ATM: variants seen among roughly 807,000 people sequenced by gnomAD.
ATM encodes serine-protein kinase ATM.
In ATM, 308 loss-of-function variants were observed where a neutral mutation model predicts 387.0. That is an observed-to-expected ratio of 0.80 (90% CI 0.73 to 0.87). ATM has a LOEUF of 0.87. Ranked by LOEUF, ATM falls within the 40% of genes least tolerant of loss-of-function variation. ATM has a pLI of 0.00. For synonymous variants in ATM, 1,156 were observed against 1,187.3 expected (o/e 0.97, Z 0.54); for missense variants, 3,312 against 3,560.9 (o/e 0.93, Z 1.78).
In ATM at chr11:108,322,249, G is replaced by A. The variant is rs559558501; in HGVS notation, c.6572+829G>A. 2.0e-5 allele frequency among the ~76,000 whole-genome samples: 3 copies of A among 152,166 alleles called. No homozygotes were observed. The South Asian group carries it at 6.2e-4, about 32-fold the overall frequency. On this transcript the variant is annotated intron_variant, in intron 45 of 62. Transcript: ENST00000675843. ...AGCTCACTGCAGTCTCCACCTCCCA[G>A]GTTCAAGCGATTCTCCTGCCTCAGC...
At chr11:108,333,767 A>G (rs966430238) in intron 53 of ATM, 119 bp from the exon 54 acceptor site, 23 of 839,542 alleles carry the variant, frequency 2.7e-5, no homozygotes, top group African/African-American at 2.7e-4. Flanking sequence ...TTTCTCAATC[A>G]GAGCCTGAAC....
chr11:108,231,766 A>G (rs754304060), intron 4 of ATM, among the ~76,000 whole-genome samples: 8 of 151,816 alleles, frequency 5.3e-5, no homozygotes, highest in Admixed American at 1.3e-4. Context: ...AGAAGTATGC[A>G]GATTATTAGT....
At position 108,317,539 on chromosome 11, in the gene ATM, A is replaced by AT. The variant is rs58978479; in HGVS notation, c.6347+31dup. On this transcript the variant is annotated intron_variant, in intron 43 of 62. Transcript: ENST00000675843. ...TCCGTCAGGTAAGAAATTTGACTTG[A>AT]TTTTTTTTTTTTTGCCTCTCTCCTC... 0.024 allele frequency: 29,706 copies of AT among 1,225,564 alleles called. No individual in the cohort carries two copies. Among genetic ancestry groups the AT allele is most frequent in the East Asian group, 0.03 (1,003 of 33,414 alleles). 75.9% of individuals were successfully genotyped at this position (1,225,564 alleles called of 1,614,324 possible). A position where few individuals can be genotyped will look rare whatever the true frequency, so the allele number is the denominator to read the frequency against.
At chr11:108,266,375 T>G (rs1453835696) in intron 16 of ATM, among the ~76,000 whole-genome samples, 1 of 151,624 alleles carries the variant, frequency 6.6e-6, no homozygotes. Flanking sequence ...CTCAGTAAAC[T>G]GTCGCAAGAA....
At chr11:108,335,326 A>G in intron 55 of ATM, 1 of 1,429,534 alleles carries the variant, frequency 7.0e-7, no homozygotes, top group Non-Finnish European at 9.3e-7. Flanking sequence ...GGTTGATTCA[A>G]GTAAAAGAAT....
intron 29 of ATM, chr11:108,290,278 C>A (rs537955051): frequency 6.6e-6 from 1 of 152,176 alleles, no homozygotes; most frequent in Non-Finnish European, 1.5e-5. Flanking sequence ...TTAAAAATTG[C>A]GCTACTTGCC....
chr11:108,331,122 C>T, intron 50 of ATM: 1 of 1,042,394 alleles, frequency 9.6e-7, no homozygotes, highest in Non-Finnish European at 1.2e-6. Context: ...ACTGACTTCT[C>T]AGGAATCAAG....
At chr11:108,335,687 A>G (rs1463756926) in intron 55 of ATM, among the ~76,000 whole-genome samples, 158 bp from the exon 56 acceptor site, 1 of 152,194 alleles carries the variant, frequency 6.6e-6, no homozygotes, top group African/African-American at 2.4e-5. Flanking sequence ...CTTATTCTAA[A>G]TGAAAGAATG....
At chr11:108,250,327 A>G (rs187427601) in intron 9 of ATM, among the ~76,000 whole-genome samples, 48 of 151,930 alleles carry the variant, frequency 3.2e-4, no homozygotes, top group Non-Finnish European at 5.9e-5. Context: ...TAATTTTTGT[A>G]TTTTTAGTAG....
Position 108,256,211 on chromosome 11 carries a change from TA to T in ATM, c.2125-2del. ...ATATATTTTTATTTGTGGTTTACTT[TA>T]AGATTACAAATTCAGAAACTCTTGT... On this transcript the variant is annotated splice_region_variant and splice_polypyrimidine_tract_variant and intron_variant, in intron 13 of 62. Coordinates refer to ENST00000675843, the MANE Select transcript of ATM (RefSeq NM_000051.4). 6.2e-7 allele frequency: 1 copy of T among 1,601,554 alleles called. No individual in the cohort carries two copies. The highest frequency in any genetic ancestry group is 8.5e-7 in the Non-Finnish European group (1 of 1,171,954).
chr11:108,244,515 G>T (rs55849334), intron 6 of ATM, among the ~76,000 whole-genome samples: 71 of 152,118 alleles, frequency 4.7e-4, no homozygotes, highest in African/African-American at 1.6e-3. Flanking sequence ...TATAAATGGT[G>T]TTACAAATCA....
intron 23 of ATM, 66 bp downstream of exon 23, chr11:108,279,674 C>A: frequency 7.7e-7 from 1 of 1,292,620 alleles, no homozygotes; most frequent in Admixed American, 1.7e-5. Flanking sequence ...TAAATTACTT[C>A]ACCAAGTTTG....
Position 108,299,968 on chromosome 11 carries a change from T to G in ATM, c.5177+83T>G. On this transcript the variant is annotated intron_variant, in intron 34 of 62. Transcript: ENST00000675843. ...ACTTCACACAAATAGATATTCTCAG[T>G]AACTAAAGCTTTGTCCTTTTTTAAA... 13 of 1,319,736 alleles carry G rather than the reference T, an allele frequency of 9.9e-6. 1 individual carries two copies. The South Asian group carries it at 1.6e-4, about 16-fold the overall frequency. The allele number at this position is 1,319,736 out of a possible 1,614,324, so 81.8% of individuals were successfully genotyped here.
intron 4 of ATM, 88 bp downstream of exon 4, chr11:108,229,411 T>A (rs2135042714): frequency 8.0e-7 from 1 of 1,251,644 alleles, no homozygotes. Flanking sequence ...TTTAAGGACT[T>A]AACTGTTGCA....
intron 37 of ATM, among the ~76,000 whole-genome samples, 174 bp from the exon 38 acceptor site, chr11:108,307,723 C>T (rs1002330962): frequency 6.6e-6 from 1 of 152,066 alleles, no homozygotes; most frequent in African/African-American, 2.4e-5. Flanking sequence ...TTTAAGATAA[C>T]AGTTTCTTTT....
At chr11:108,354,773 T>C (rs2137341062) in intron 60 of ATM, 38 bp from the exon 61 acceptor site, 1 of 1,545,522 alleles carries the variant, frequency 6.5e-7, no homozygotes, top group Non-Finnish European at 8.9e-7. Flanking sequence ...AACATTGGTG[T>C]GTAACAAAAT....
intron 8 of ATM, among the ~76,000 whole-genome samples, chr11:108,247,948 C>T (rs902766174): frequency 2.6e-5 from 4 of 152,068 alleles, no homozygotes; most frequent in Non-Finnish European, 4.4e-5. Flanking sequence ...CATTCAGTCC[C>T]AATTCCCTGC....
rs1298268285 is a variant in ATM at position 108,299,749 on chromosome 11, A to G, written c.5041A>G (p.Ile1681Val). Residue 1681 changes from isoleucine (I) to valine (V), a missense_variant, in exon 34 of 63, where the codon ATA (isoleucine) becomes GTA (valine). By Grantham distance (29) the Ile-to-Val change is conservative (BLOSUM62 3). Around this residue, in one of 4 missense-constraint regions of ATM, gnomAD observed 1,405 missense variants for 1,604.4 expected, o/e 0.88. Transcript: ENST00000675843. ...VGSCLGEVGP[I>V]DFSTIAIQHS... ...AAGCTGCTTGGGAGAAGTGGGTCCT[A>G]TAGATTTCTCTACCATAGCTATACA... The G allele has an allele frequency of 6.2e-7, 1 of 1,613,948 alleles. No homozygotes were observed. The highest frequency in any genetic ancestry group is 1.3e-5 in the African/African-American group (1 of 75,036).
intron 60 of ATM, 89 bp downstream of exon 60, chr11:108,353,969 T>A: frequency 7.6e-7 from 1 of 1,316,140 alleles, no homozygotes; most frequent in Non-Finnish European, 1.1e-6. Flanking sequence ...TAATCCCAGC[T>A]GCTCAAGAGG....
Sources: gnomAD v4.1 joint callset for allele counts (sites outside exome capture counted in the v4.1 genomes callset) on GRCh38, gnomAD v4.1.1 for gene constraint, gnomAD v4.1.1 regional missense constraint, MANE v1.5 for transcripts, NCBI Gene and HGNC (gene_info 2026-07-23, HGNC 2026-07-21) for gene names.